CDC42BPA: variants seen among roughly 807,000 people sequenced by gnomAD.
CDC42BPA encodes the protein CDC42 binding protein kinase alpha.
A neutral mutation model predicts 223.5 loss-of-function variants in CDC42BPA; 80 were observed. That is an observed-to-expected ratio of 0.36 (90% CI 0.30 to 0.43). The LOEUF (loss-of-function observed/expected upper bound fraction) is 0.43. Among genes scored for constraint, CDC42BPA ranks in the 20% least tolerant of loss-of-function variants. CDC42BPA has a pLI of 1.00. For synonymous variants in CDC42BPA, 694 were observed against 718.6 expected, an observed-to-expected ratio of 0.97 and a Z score of 0.55; for missense variants, 1,743 against 2,099.9, an observed-to-expected ratio of 0.83 and a Z score of 3.32.
intron 2 of CDC42BPA, among the ~76,000 whole-genome samples, chr1:227,238,682 A>G (rs538362149): frequency 1.3e-5 from 2 of 152,352 alleles, no homozygotes; most frequent in South Asian, 2.1e-4. Flanking sequence ...AAAAAGGTTA[A>G]TATCATAAGA....
intron 2 of CDC42BPA, among the ~76,000 whole-genome samples, chr1:227,230,435 T>C (rs1677635023): frequency 6.6e-6 from 1 of 152,248 alleles, no homozygotes; most frequent in East Asian, 1.9e-4. Flanking sequence ...CTGATATCGT[T>C]ACAAATATGT....
intron 21 of CDC42BPA, among the ~76,000 whole-genome samples, chr1:227,066,496 A>T (rs1050246865): frequency 6.6e-6 from 1 of 152,224 alleles, no homozygotes. Flanking sequence ...GCTGAACTCA[A>T]GTATGTCAAA....
At chr1:227,273,857 G>GAA (rs11295895) in intron 1 of CDC42BPA, among the ~76,000 whole-genome samples, 4 of 133,910 alleles carry the variant, frequency 3.0e-5, no homozygotes, top group African/African-American at 8.4e-5. Context: ...AAGAAACAAG[G>GAA]AAAAAAAAAA....
chr1:227,091,753 T>C lies in CDC42BPA; in HGVS notation c.2355+133A>G, dbSNP rs570197567. The C allele has an allele frequency of 1.5e-5, 8 of 522,382 alleles. 1 individual carries two copies. The highest frequency in any genetic ancestry group is 4.9e-4 in the Middle Eastern group (1 of 2,048). The allele number at this position is 522,382 out of a possible 1,614,324, so 32.4% of individuals were successfully genotyped here. ...TTATAACAAAGAATTGCATATATCA[T>C]AGAAGCAACATAACTCAGGAGAAAG... On this transcript the variant is annotated intron_variant, in intron 16 of 36. Coordinates refer to ENST00000366766, the MANE Select transcript of CDC42BPA (RefSeq NM_001394014.1).
rs531996321 is a variant in CDC42BPA at position 227,159,488 on chromosome 1, AAAT to A, written c.693+1052_693+1054del. Among the ~76,000 whole-genome samples, 76 of 152,246 alleles carry A rather than the reference AAAT, an allele frequency of 5.0e-4. 1 individual carries two copies. The highest frequency in any genetic ancestry group is 7.1e-4 in the Non-Finnish European group (48 of 68,014). ...GCAACAGAGACTTTGTCTAAAAAAA[AAAT>A]AATAAAATTTTTCCAAAGTTAAAAT... On this transcript the variant is annotated intron_variant, in intron 6 of 36. Coordinates refer to ENST00000366766, the MANE Select transcript of CDC42BPA (RefSeq NM_001394014.1).
chr1:227,134,374 G>A (rs10799385), intron 10 of CDC42BPA, among the ~76,000 whole-genome samples: 141,720 of 152,252 alleles, frequency 0.93, 66,147 homozygotes, highest in South Asian at 0.98. Context: ...CATGATTACT[G>A]AACTTAAATA....
intron 35 of CDC42BPA, among the ~76,000 whole-genome samples, chr1:226,998,732 T>C (rs975870075): frequency 2.0e-4 from 30 of 152,154 alleles, no homozygotes; most frequent in African/African-American, 6.5e-4. Flanking sequence ...GACACAGGCA[T>C]GGGCAAGGAC....
At chr1:227,222,628 G>A (rs1676146469) in intron 2 of CDC42BPA, among the ~76,000 whole-genome samples, 1 of 152,228 alleles carries the variant, frequency 6.6e-6, no homozygotes, top group South Asian at 2.1e-4. Context: ...GAGAGGCCAA[G>A]AAGACTTTAG....
At chr1:227,302,656 G>A (rs1419225430) in intron 1 of CDC42BPA, among the ~76,000 whole-genome samples, 2 of 152,060 alleles carry the variant, frequency 1.3e-5, no homozygotes, top group East Asian at 1.9e-4. Context: ...CTAGGAACTC[G>A]TGTCCTTTGG....
At chr1:227,249,304 T>C (rs1681553527) in intron 2 of CDC42BPA, among the ~76,000 whole-genome samples, 1 of 152,220 alleles carries the variant, frequency 6.6e-6, no homozygotes, top group Admixed American at 6.5e-5. Flanking sequence ...AAGATTTAAG[T>C]CTAATACCTC....
rs139933505 is a variant in CDC42BPA at position 227,224,776 on chromosome 1, G to T, written c.271-11557C>A. 4.5e-4 allele frequency among the ~76,000 whole-genome samples: 68 copies of T among 152,220 alleles called. 1 individual carries two copies. In the East Asian group the frequency reaches 6.6e-3, roughly 15 times the overall value. On this transcript the variant is annotated intron_variant, in intron 2 of 36. Coordinates refer to ENST00000366766, the MANE Select transcript of CDC42BPA (RefSeq NM_001394014.1). Reference sequence around the variant, plus strand: ...AACCTTTTCTATGTCTTTTCAACTGGCAAGTCCTCTTCTAGAAATTTATTC... The same window carrying T: ...AACCTTTTCTATGTCTTTTCAACTGTCAAGTCCTCTTCTAGAAATTTATTC...
At chr1:227,306,858 T>C (rs1438815512) in intron 1 of CDC42BPA, among the ~76,000 whole-genome samples, 2 of 152,196 alleles carry the variant, frequency 1.3e-5, no homozygotes, top group Non-Finnish European at 2.9e-5. Flanking sequence ...CACTTCTAAG[T>C]AGATGCTTGA....
At chr1:227,189,129 TCTTTAGGCAA>T (rs1251965728) in intron 5 of CDC42BPA, among the ~76,000 whole-genome samples, 29 of 152,188 alleles carry the variant, frequency 1.9e-4, no homozygotes, top group Non-Finnish European at 2.9e-5. Context: ...CACCCTACTC[TCTTTAGGCAA>T]CCATTTTTAC....
chr1:227,009,198 C>CA (rs978739595), intron 34 of CDC42BPA, among the ~76,000 whole-genome samples: 11 of 151,534 alleles, frequency 7.3e-5, no homozygotes, highest in African/African-American at 1.2e-4. Flanking sequence ...AAAGGAATGA[C>CA]AAAAAAAAGT....
intron 5 of CDC42BPA, among the ~76,000 whole-genome samples, chr1:227,179,464 G>A (rs1024388572): frequency 2.6e-5 from 4 of 151,338 alleles, no homozygotes; most frequent in African/African-American, 4.9e-5. Flanking sequence ...GTGAAACTCC[G>A]TCTCTACTAA....
intron 22 of CDC42BPA, 146 bp downstream of exon 22, chr1:227,051,735 C>G: frequency 7.8e-6 from 3 of 386,014 alleles, no homozygotes; most frequent in South Asian, 6.4e-5. Flanking sequence ...CTTCTACCTA[C>G]ATTATCAGTT....
chr1:227,131,873 T>A (rs1218934894), intron 10 of CDC42BPA, among the ~76,000 whole-genome samples: 1 of 152,214 alleles, frequency 6.6e-6, no homozygotes, highest in Non-Finnish European at 1.5e-5. Flanking sequence ...CTCTCCAGCA[T>A]AACCATCAGA....
At chr1:227,033,489 AAC>A (rs1669693312) in intron 26 of CDC42BPA, 74 bp from the exon 27 acceptor site, 1 of 913,336 alleles carries the variant, frequency 1.1e-6, no homozygotes, top group Admixed American at 1.8e-5. Flanking sequence ...GTATCCAAAT[AAC>A]ACATACCCAA....
At chr1:227,128,478 G>A (rs1656317021) in intron 11 of CDC42BPA, among the ~76,000 whole-genome samples, 1 of 151,942 alleles carries the variant, frequency 6.6e-6, no homozygotes, top group African/African-American at 2.4e-5. Flanking sequence ...CTTTACCCAG[G>A]CCAAAGCAAA....
Sources: gnomAD v4.1 joint callset for allele counts (sites outside exome capture counted in the v4.1 genomes callset) on GRCh38, gnomAD v4.1.1 for gene constraint, MANE v1.5 for transcripts, NCBI Gene and HGNC (gene_info 2026-07-23, HGNC 2026-07-21) for gene names.